The following OSBP2 variants were observed in gnomAD, a reference collection of about 807,000 sequenced individuals.
OSBP2 encodes the protein oxysterol-binding protein 2.
A neutral mutation model predicts 96.0 loss-of-function variants in OSBP2; 66 were observed. The ratio of observed to expected loss-of-function variants is 0.69; its 90% CI spans 0.56 to 0.84. The LOEUF (loss-of-function observed/expected upper bound fraction) is 0.84. Ranked by LOEUF, OSBP2 falls within the 40% of genes least tolerant of loss-of-function variation. OSBP2 has a pLI of 0.00. For missense variants in OSBP2, 1,038 were observed against 1,222.7 expected, an observed-to-expected ratio of 0.85 and a Z score of 2.25; for synonymous variants, 525 against 520.9, an observed-to-expected ratio of 1.01 and a Z score of -0.11.
chr22:30,872,974 C>A (rs1413746579), intron 3 of OSBP2, among the ~76,000 whole-genome samples: 3 of 152,286 alleles, frequency 2.0e-5, no homozygotes, highest in African/African-American at 7.2e-5. Flanking sequence ...GGCTTTGGTA[C>A]CTGTTAGGAG....
chr22:30,771,725 G>T (rs1412030707), intron 2 of OSBP2, among the ~76,000 whole-genome samples: 1 of 152,262 alleles, frequency 6.6e-6, no homozygotes, highest in African/African-American at 2.4e-5. Context: ...CACCGCAGAT[G>T]ATTTGAAAAC....
intron 1 of OSBP2, among the ~76,000 whole-genome samples, chr22:30,727,690 A>T (rs1465624697): frequency 1.3e-5 from 2 of 152,138 alleles, no homozygotes; most frequent in Non-Finnish European, 1.5e-5. Flanking sequence ...CTGTTTTTTT[A>T]AATATAAACT....
chr22:30,798,341 T>C (rs2090794869), intron 2 of OSBP2, among the ~76,000 whole-genome samples: 1 of 152,234 alleles, frequency 6.6e-6, no homozygotes, highest in African/African-American at 2.4e-5. Flanking sequence ...TTACCATATA[T>C]ATGATTTGCA....
At chr22:30,805,571 G>A (rs975002910) in intron 2 of OSBP2, among the ~76,000 whole-genome samples, 1 of 152,196 alleles carries the variant, frequency 6.6e-6, no homozygotes, top group Non-Finnish European at 1.5e-5. Flanking sequence ...TGGCATGTGG[G>A]TGCTCAATGT....
At chr22:30,901,025 A>G (rs1477048685) in intron 12 of OSBP2, among the ~76,000 whole-genome samples, 1 of 152,250 alleles carries the variant, frequency 6.6e-6, no homozygotes, top group Admixed American at 6.5e-5. Context: ...TCAAGAATAC[A>G]GAGTATTTTA....
intron 2 of OSBP2, among the ~76,000 whole-genome samples, chr22:30,797,749 G>A (rs1470334747): frequency 3.3e-5 from 5 of 151,944 alleles, no homozygotes; most frequent in East Asian, 3.9e-4. Flanking sequence ...CAGCCACCAT[G>A]CCTGGCTAAT....
intron 1 of OSBP2, among the ~76,000 whole-genome samples, chr22:30,719,081 A>G (rs1179074804): frequency 6.6e-6 from 1 of 152,198 alleles, no homozygotes; most frequent in Non-Finnish European, 1.5e-5. Context: ...AGACGGGATT[A>G]GAGTGTTCTT....
At chr22:30,772,791 G>A (rs957678705) in intron 2 of OSBP2, among the ~76,000 whole-genome samples, 13 of 116,890 alleles carry the variant, frequency 1.1e-4, no homozygotes, top group East Asian at 7.2e-4. Context: ...CTTGTTAAAC[G>A]CATTTTTTTT....
intron 2 of OSBP2, among the ~76,000 whole-genome samples, chr22:30,788,285 TAC>T (rs1428196857): frequency 6.6e-6 from 1 of 152,106 alleles, no homozygotes; most frequent in African/African-American, 2.4e-5. Context: ...TCCTTTTATA[TAC>T]AGTTTCCCCA....
chr22:30,889,475 C>G lies in OSBP2; in HGVS notation c.1477-15C>G. 1 of 1,614,014 alleles carries G rather than the reference C, an allele frequency of 6.2e-7. No individual in the cohort carries two copies. The highest frequency in any genetic ancestry group is 8.5e-7 in the Non-Finnish European group (1 of 1,179,986). ...GCCTCTGCTGACGGTGAGGGGGTCC[C>G]CACTTATGTGGCAGGTACTAGATGG... On this transcript the variant is annotated splice_polypyrimidine_tract_variant and intron_variant, in intron 6 of 13. Transcript: ENST00000332585.
At chr22:30,869,302 T>C (rs1602387341) in intron 2 of OSBP2, among the ~76,000 whole-genome samples, 1 of 152,130 alleles carries the variant, frequency 6.6e-6, no homozygotes, top group East Asian at 1.9e-4. Context: ...GCAGTGTGGG[T>C]ATGACTTCAC....
At chr22:30,817,832 G>T (rs2091099695) in intron 2 of OSBP2, among the ~76,000 whole-genome samples, 2 of 152,146 alleles carry the variant, frequency 1.3e-5, no homozygotes, top group South Asian at 4.1e-4. Flanking sequence ...CAGTGGGTGT[G>T]CTAGGCCCTG....
intron 2 of OSBP2, among the ~76,000 whole-genome samples, chr22:30,848,444 A>G (rs777741482): frequency 1.3e-5 from 2 of 152,212 alleles, no homozygotes; most frequent in African/African-American, 2.4e-5. Context: ...CAACCTTATT[A>G]TTATTGAATT....
chr22:30,851,805 C>T (rs868530159), intron 2 of OSBP2, among the ~76,000 whole-genome samples: 1 of 152,010 alleles, frequency 6.6e-6, no homozygotes, highest in Non-Finnish European at 1.5e-5. Flanking sequence ...TTTATAGATG[C>T]CTTTTATAAT....
chr22:30,786,562 C>T (rs779826773), intron 2 of OSBP2, among the ~76,000 whole-genome samples: 20 of 151,872 alleles, frequency 1.3e-4, no homozygotes, highest in Non-Finnish European at 1.9e-4. Flanking sequence ...GGAAGGTTGC[C>T]TAGAGGAGGT....
At chr22:30,850,609 C>T (rs1346610217) in intron 2 of OSBP2, among the ~76,000 whole-genome samples, 2 of 152,104 alleles carry the variant, frequency 1.3e-5, no homozygotes, top group African/African-American at 4.8e-5. Context: ...AAACAATACT[C>T]CTGCCTTAGC....
intron 2 of OSBP2, among the ~76,000 whole-genome samples, chr22:30,822,935 G>A (rs2038314184): frequency 6.6e-6 from 1 of 152,364 alleles, no homozygotes; most frequent in East Asian, 1.9e-4. Flanking sequence ...GCTGCGGCTA[G>A]AGACTTGTCC....
At chr22:30,762,796 G>A (rs534323589) in intron 2 of OSBP2, among the ~76,000 whole-genome samples, 1 of 152,282 alleles carries the variant, frequency 6.6e-6, no homozygotes, top group East Asian at 1.9e-4. Context: ...GCCTGGGCCA[G>A]ATGTTTGCTC....
At chr22:30,874,435 GA>G (rs1468888461) in intron 3 of OSBP2, among the ~76,000 whole-genome samples, 1 of 151,910 alleles carries the variant, frequency 6.6e-6, no homozygotes, top group Non-Finnish European at 1.5e-5. Context: ...AAGAAAAAAA[GA>G]AAAGTCAGGT....
Sources: gnomAD v4.1 joint callset for allele counts (sites outside exome capture counted in the v4.1 genomes callset) on GRCh38, gnomAD v4.1.1 for gene constraint, MANE v1.5 for transcripts, NCBI Gene and HGNC (gene_info 2026-07-23, HGNC 2026-07-21) for gene names.